The following MYLK variants were observed in gnomAD, a reference collection of about 807,000 sequenced individuals.
MYLK encodes myosin light chain kinase, also known as myosin light chain kinase, smooth muscle.
In MYLK, 106 loss-of-function variants were observed where a neutral mutation model predicts 203.4. The observed-to-expected ratio is 0.52, with a 90% CI of 0.45 to 0.61. MYLK has a LOEUF of 0.61. Among genes scored for constraint, MYLK ranks in the 20% least tolerant of loss-of-function variants. The pLI is 0.00. For missense variants in MYLK, 2,072 were observed against 2,442.3 expected, an observed-to-expected ratio of 0.85 and a Z score of 3.20; for synonymous variants, 867 against 959.5, an observed-to-expected ratio of 0.90 and a Z score of 1.78.
chr3:123,832,013 G>A (rs2066346804), intron 2 of MYLK, among the ~76,000 whole-genome samples: 1 of 152,210 alleles, frequency 6.6e-6, no homozygotes, highest in African/African-American at 2.4e-5. Context: ...TCCTGCAGGT[G>A]AAAGGCAGTG....
intron 23 of MYLK, among the ~76,000 whole-genome samples, chr3:123,662,733 C>T (rs1292907829): frequency 6.6e-6 from 1 of 152,204 alleles, no homozygotes; most frequent in Non-Finnish European, 1.5e-5. Flanking sequence ...ACCAGGAACA[C>T]ACAGGAAAGG....
chr3:123,656,614 C>T (rs1028191548), intron 24 of MYLK, among the ~76,000 whole-genome samples: 3 of 152,180 alleles, frequency 2.0e-5, no homozygotes, highest in Admixed American at 6.5e-5. Flanking sequence ...CTTCCTTGGT[C>T]TCCATGGAAA....
chr3:123,801,155 A>G (rs550877713), intron 3 of MYLK, among the ~76,000 whole-genome samples: 2 of 152,390 alleles, frequency 1.3e-5, no homozygotes, highest in East Asian at 3.9e-4. Context: ...TTGTGACATC[A>G]CAGCTACTAG....
intron 19 of MYLK, among the ~76,000 whole-genome samples, chr3:123,683,427 G>A (rs1345935004): frequency 6.6e-6 from 1 of 152,174 alleles, no homozygotes; most frequent in Admixed American, 6.5e-5. Flanking sequence ...GGCTCCTGGG[G>A]CTCTGAGGGG....
At chr3:123,666,578 G>A (rs904373867) in intron 21 of MYLK, among the ~76,000 whole-genome samples, 3 of 152,118 alleles carry the variant, frequency 2.0e-5, no homozygotes, top group Non-Finnish European at 4.4e-5. Flanking sequence ...TACTTACATG[G>A]CATGATTCTC....
chr3:123,682,727 G>A (rs934611148), intron 19 of MYLK, among the ~76,000 whole-genome samples: 5 of 152,188 alleles, frequency 3.3e-5, no homozygotes, highest in African/African-American at 9.6e-5. Flanking sequence ...CAGGGTCCCC[G>A]CCCTTGGGAT....
At chr3:123,660,252 C>A (rs145656098) in intron 23 of MYLK, among the ~76,000 whole-genome samples, 1 of 152,208 alleles carries the variant, frequency 6.6e-6, no homozygotes. Context: ...GGCTATCAGG[C>A]AGAATGAGCT....
At chr3:123,776,972 C>G (rs1355525039) in intron 4 of MYLK, among the ~76,000 whole-genome samples, 7 of 152,180 alleles carry the variant, frequency 4.6e-5, no homozygotes, top group African/African-American at 1.7e-4. Flanking sequence ...TAGGACAGAA[C>G]GATTAAACAA....
intron 16 of MYLK, among the ~76,000 whole-genome samples, chr3:123,706,723 CTGGAAATGTAGCAGTGTGCCTCA>C (rs548597578): frequency 1.0e-3 from 154 of 150,394 alleles, no homozygotes; most frequent in South Asian, 6.5e-3. Flanking sequence ...TGTTCCAGGC[CTGGAAATGTAGCAGTGTGCCTCA>C]TGGAAATGTA....
chr3:123,771,754 C>CT (rs1375663723), intron 4 of MYLK, among the ~76,000 whole-genome samples: 1 of 152,172 alleles, frequency 6.6e-6, no homozygotes, highest in Non-Finnish European at 1.5e-5. Flanking sequence ...CCTAGCCTCC[C>CT]TTAAACATGC....
In MYLK at chr3:123,831,945, G is replaced by A. The variant is rs2066344701; in HGVS notation, c.-126-275C>T. ...ATGACGGTGGTACTCAGGGTAGATT[G>A]CAGGGTCTAGGGAGAGGCCCTGGCA... is the stretch of plus-strand genomic sequence containing the variant. On this transcript the variant is annotated intron_variant, in intron 2 of 33. Transcript: ENST00000360304. Among the ~76,000 whole-genome samples the A allele has an allele frequency of 2.6e-5, 4 of 152,150 alleles. No homozygotes were observed. In the South Asian group the frequency reaches 8.3e-4, roughly 32 times the overall value.
intron 3 of MYLK, among the ~76,000 whole-genome samples, chr3:123,819,389 G>A (rs1364598486): frequency 2.0e-5 from 3 of 152,168 alleles, no homozygotes; most frequent in African/African-American, 7.2e-5. Flanking sequence ...ACCTGTGGGG[G>A]TTGGAGCTCA....
At chr3:123,861,431 C>T (rs1271347624) in intron 2 of MYLK, among the ~76,000 whole-genome samples, 1 of 152,190 alleles carries the variant, frequency 6.6e-6, no homozygotes, top group Non-Finnish European at 1.5e-5. Flanking sequence ...ATAAGGAGAA[C>T]CTTAGTTAAC....
intron 4 of MYLK, among the ~76,000 whole-genome samples, chr3:123,786,182 A>G (rs926036670): frequency 6.6e-6 from 1 of 151,990 alleles, no homozygotes; most frequent in East Asian, 1.9e-4. Flanking sequence ...ACGCGCCTGT[A>G]GTCCCAGCTA....
At chr3:123,786,829 A>G (rs1177573385) in intron 4 of MYLK, among the ~76,000 whole-genome samples, 1 of 152,240 alleles carries the variant, frequency 6.6e-6, no homozygotes, top group Non-Finnish European at 1.5e-5. Context: ...TACTATGTAT[A>G]CATGGCCCAT....
chr3:123,849,894 TC>T (rs1473314048), intron 2 of MYLK, among the ~76,000 whole-genome samples: 1 of 152,096 alleles, frequency 6.6e-6, no homozygotes, highest in Non-Finnish European at 1.5e-5. Context: ...CCCTCTCCCC[TC>T]CCCACACCCT....
chr3:123,802,305 C>G (rs1203883783), intron 3 of MYLK, among the ~76,000 whole-genome samples: 1 of 152,226 alleles, frequency 6.6e-6, no homozygotes, highest in African/African-American at 2.4e-5. Context: ...CACATGAAAG[C>G]AGGCAAAGCC....
chr3:123,820,230 C>G lies in MYLK; in HGVS notation c.-4+11318G>C, dbSNP rs114362158. 3.4e-3 allele frequency among the ~76,000 whole-genome samples: 517 copies of G among 152,294 alleles called. 3 individuals carry two copies. The highest frequency in any genetic ancestry group is 0.011 in the African/African-American group (473 of 41,562). On this transcript the variant is annotated intron_variant, in intron 3 of 33. Coordinates refer to ENST00000360304, the MANE Select transcript of MYLK (RefSeq NM_053025.4). ...AGGTAAGAACAGAAATCTGAGAAAT[C>G]TGGCCTAGAACAGCTGACTAACCCA...
rs565979146 is a variant in MYLK at position 123,777,655 on chromosome 3, G to A, written c.165+16022C>T. On this transcript the variant is annotated intron_variant, in intron 4 of 33. Transcript: ENST00000360304. Reference sequence around the variant, plus strand: ...GTGAGAAGGGGCCTGAGCCAGCTTGGGAACTGGGCTGAGGGTGTGGAGCAG... The same window carrying A: ...GTGAGAAGGGGCCTGAGCCAGCTTGAGAACTGGGCTGAGGGTGTGGAGCAG... Among the ~76,000 whole-genome samples, 25 of 152,364 alleles carry A rather than the reference G, an allele frequency of 1.6e-4. No homozygotes were observed. The South Asian group carries it at 4.8e-3, about 29-fold the overall frequency.
Sources: gnomAD v4.1 joint callset for allele counts (sites outside exome capture counted in the v4.1 genomes callset) on GRCh38, gnomAD v4.1.1 for gene constraint, MANE v1.5 for transcripts, NCBI Gene and HGNC (gene_info 2026-07-23, HGNC 2026-07-21) for gene names.